The following ACSS3 variants were observed in gnomAD, a reference collection of about 807,000 sequenced individuals.
ACSS3 encodes acyl-CoA synthetase short chain family member 3.
Under a neutral mutation model 84.2 loss-of-function variants are expected in ACSS3, and 64 were observed. That is an observed-to-expected ratio of 0.76 (90% CI 0.62 to 0.94). The LOEUF is 0.94. Ranked by LOEUF, ACSS3 falls within the 40% of genes least tolerant of loss-of-function variation. The pLI is 0.00. For missense variants in ACSS3, 815 were observed against 867.6 expected, an observed-to-expected ratio of 0.94 and a Z score of 0.76; for synonymous variants, 317 against 310.1, an observed-to-expected ratio of 1.02 and a Z score of -0.23.
At chr12:81,201,839 A>G (rs1184781142) in intron 9 of ACSS3, among the ~76,000 whole-genome samples, 2 of 152,222 alleles carry the variant, frequency 1.3e-5, no homozygotes, top group African/African-American at 4.8e-5. Context: ...CTAGATCGCT[A>G]GATTATTTTG....
intron 11 of ACSS3, among the ~76,000 whole-genome samples, chr12:81,225,497 G>T (rs537198363): frequency 2.2e-4 from 33 of 151,870 alleles, no homozygotes; most frequent in Non-Finnish European, 2.2e-4. Context: ...AAACACACAT[G>T]CTATTTCCAG....
intron 7 of ACSS3, among the ~76,000 whole-genome samples, chr12:81,168,806 C>T (rs1887521197): frequency 6.6e-6 from 1 of 152,136 alleles, no homozygotes; most frequent in Admixed American, 6.6e-5. Flanking sequence ...TTGGATTTAG[C>T]TCATTTATTT....
At chr12:81,234,553 AG>A (rs2033570238) in intron 13 of ACSS3, among the ~76,000 whole-genome samples, 1 of 151,386 alleles carries the variant, frequency 6.6e-6, no homozygotes, top group Non-Finnish European at 1.5e-5. Context: ...CATTCTTTCT[AG>A]AACTTGGTCG....
At chr12:81,234,660 A>G (rs1281970343) in intron 13 of ACSS3, among the ~76,000 whole-genome samples, 1 of 151,452 alleles carries the variant, frequency 6.6e-6, no homozygotes, top group Non-Finnish European at 1.5e-5. Flanking sequence ...GATATTGAGC[A>G]TCTTTTCACA....
At chr12:81,144,640 T>A (rs1205678064) in intron 5 of ACSS3, among the ~76,000 whole-genome samples, 1 of 152,074 alleles carries the variant, frequency 6.6e-6, no homozygotes, top group East Asian at 1.9e-4. Flanking sequence ...TATAACTTAA[T>A]TTTTAAAAAA....
At chr12:81,191,566 G>T (rs1469619317) in intron 8 of ACSS3, among the ~76,000 whole-genome samples, 2 of 152,164 alleles carry the variant, frequency 1.3e-5, no homozygotes, top group Admixed American at 1.3e-4. Flanking sequence ...GGCCAGAAGT[G>T]ACATTATGGG....
intron 2 of ACSS3, among the ~76,000 whole-genome samples, chr12:81,118,340 C>T (rs1371401886): frequency 6.6e-6 from 1 of 152,148 alleles, no homozygotes; most frequent in Non-Finnish European, 1.5e-5. Flanking sequence ...TCTTATTATA[C>T]CTTCATCTTA....
intron 8 of ACSS3, among the ~76,000 whole-genome samples, chr12:81,189,113 A>C (rs560616946): frequency 1.3e-5 from 2 of 152,022 alleles, no homozygotes; most frequent in Middle Eastern, 3.2e-3. Context: ...CCACCATTCT[A>C]TTCTCTATCA....
chr12:81,219,405 G>C (rs2033028556), intron 10 of ACSS3, among the ~76,000 whole-genome samples: 1 of 152,056 alleles, frequency 6.6e-6, no homozygotes, highest in Non-Finnish European at 1.5e-5. Flanking sequence ...ATCTATTAAA[G>C]CCTAAAAGAT....
chr12:81,167,863 G>T (rs1208488031), intron 7 of ACSS3, among the ~76,000 whole-genome samples: 1 of 152,150 alleles, frequency 6.6e-6, no homozygotes, highest in Admixed American at 6.5e-5. Context: ...CACCTTCTCA[G>T]GCCTGGACAC....
intron 5 of ACSS3, among the ~76,000 whole-genome samples, chr12:81,149,182 G>T (rs1294381270): frequency 6.6e-6 from 1 of 152,080 alleles, no homozygotes; most frequent in Non-Finnish European, 1.5e-5. Flanking sequence ...CACTGGTATT[G>T]AGTATTTTTA....
chr12:81,162,565 A>T (rs1593145961), intron 7 of ACSS3, among the ~76,000 whole-genome samples: 1 of 151,934 alleles, frequency 6.6e-6, no homozygotes. Context: ...TGGGCCTGGG[A>T]CCCCACCCAG....
intron 4 of ACSS3, among the ~76,000 whole-genome samples, chr12:81,141,368 T>C (rs1886085494): frequency 1.3e-5 from 2 of 152,168 alleles, no homozygotes; most frequent in East Asian, 3.8e-4. Flanking sequence ...TGTGTCTTAT[T>C]AACCAGGATT....
At chr12:81,248,008 G>T (rs189853589) in intron 13 of ACSS3, among the ~76,000 whole-genome samples, 1 of 151,992 alleles carries the variant, frequency 6.6e-6, no homozygotes, top group Non-Finnish European at 1.5e-5. Context: ...CATTTTATGA[G>T]TAATTATTAG....
At chr12:81,206,147 T>C (rs2032336313) in intron 9 of ACSS3, among the ~76,000 whole-genome samples, 1 of 152,160 alleles carries the variant, frequency 6.6e-6, no homozygotes, top group African/African-American at 2.4e-5. Flanking sequence ...CTTCTGGATT[T>C]TGCTTTTTAA....
chr12:81,208,721 C>T (rs2032455560), intron 9 of ACSS3, among the ~76,000 whole-genome samples: 1 of 150,994 alleles, frequency 6.6e-6, no homozygotes, highest in African/African-American at 2.4e-5. Flanking sequence ...AATTTCTTAA[C>T]ATGGGATTTT....
At chr12:81,187,238 T>C (rs77661070) in intron 8 of ACSS3, among the ~76,000 whole-genome samples, 238 of 151,812 alleles carry the variant, frequency 1.6e-3, no homozygotes, top group African/African-American at 5.4e-3. Flanking sequence ...GATATTCAGA[T>C]GAACAGGTCA....
rs144729836 is a variant in ACSS3 at position 81,085,803 on chromosome 12, G to A, written c.311+7372G>A. 1.2e-3 allele frequency among the ~76,000 whole-genome samples: 190 copies of A among 152,256 alleles called. 2 individuals carry two copies. Among genetic ancestry groups the A allele is most frequent in the African/African-American group, 4.5e-3 (186 of 41,546 alleles). On this transcript the variant is annotated intron_variant, in intron 1 of 15. Transcript: ENST00000548058. ...TTTCAGGATTGGATGGTGGTAATGT[G>A]TCAATATTAGTTTCCTGAAGTTGAT...
intron 2 of ACSS3, among the ~76,000 whole-genome samples, chr12:81,130,727 C>T (rs921353637): frequency 6.6e-6 from 1 of 152,108 alleles, no homozygotes; most frequent in African/African-American, 2.4e-5. Context: ...AATGCTATTA[C>T]CTAGGTTTTC....
Sources: gnomAD v4.1 joint callset for allele counts (sites outside exome capture counted in the v4.1 genomes callset) on GRCh38, gnomAD v4.1.1 for gene constraint, MANE v1.5 for transcripts, NCBI Gene and HGNC (gene_info 2026-07-23, HGNC 2026-07-21) for gene names.